EHMT1: variants seen among roughly 807,000 people sequenced by gnomAD.
The protein encoded by EHMT1 is histone-lysine N-methyltransferase EHMT1.
EHMT1 carries 15 observed loss-of-function variants against 147.2 expected under a neutral mutation model. The observed-to-expected ratio is 0.10, with a 90% CI of 0.07 to 0.16. The LOEUF (loss-of-function observed/expected upper bound fraction) is 0.16. EHMT1 is among the 10% of genes least tolerant of loss of function. EHMT1 has a pLI of 1.00. For missense variants in EHMT1, 1,587 were observed against 1,772.4 expected (o/e 0.90, Z 1.88); for synonymous variants, 795 against 709.6 (o/e 1.12, Z -1.91).
At chr9:137,668,106 G>A (rs1939888320) in intron 1 of EHMT1, among the ~76,000 whole-genome samples, 1 of 152,108 alleles carries the variant, frequency 6.6e-6, no homozygotes, top group African/African-American at 2.4e-5. Context: ...AGGACCAGTG[G>A]GGAGGCAGAC....
chr9:137,812,941 T>C, intron 19 of EHMT1, 65 bp from the exon 20 acceptor site: 1 of 1,595,324 alleles, frequency 6.3e-7, no homozygotes, highest in Non-Finnish European at 8.6e-7. Flanking sequence ...ATTTTATAAA[T>C]CTCATCTGTA....
At chr9:137,622,979 G>A (rs1311334020) in intron 1 of EHMT1, among the ~76,000 whole-genome samples, 1 of 151,502 alleles carries the variant, frequency 6.6e-6, no homozygotes, top group African/African-American at 2.4e-5. Context: ...GGGAGGCTGA[G>A]GTGGGTGGAT....
At chr9:137,621,947 T>C (rs1486550459) in intron 1 of EHMT1, among the ~76,000 whole-genome samples, 2 of 151,906 alleles carry the variant, frequency 1.3e-5, no homozygotes, top group African/African-American at 4.8e-5. Context: ...TCTTTCTTTT[T>C]TTTTTCTTTT....
chr9:137,822,654 G>A (rs1471515398), intron 25 of EHMT1, among the ~76,000 whole-genome samples: 15 of 152,136 alleles, frequency 9.9e-5, no homozygotes, highest in Admixed American at 9.8e-4. Flanking sequence ...CAGCACTTTG[G>A]AAGGCCGAGG....
chr9:137,711,039 G>GGT lies in EHMT1; in HGVS notation c.85+13_85+14dup, dbSNP rs781362713. On this transcript the variant is annotated intron_variant, in intron 2 of 26. Coordinates refer to ENST00000460843, the MANE Select transcript of EHMT1 (RefSeq NM_024757.5). ...CGAGCTGCTGGGAGAAGGTGAGGGC[G>GGT]GTGTGCACCGAGGGACAGGAGCAGC... 3.2e-6 allele frequency: 5 copies of GGT among 1,585,322 alleles called. No homozygotes were observed. The East Asian group carries it at 1.1e-4, about 36-fold the overall frequency.
Position 137,812,992 on chromosome 9 carries a change from A to G in EHMT1, c.2868-14A>G. ...AGCTTTAAATGTTTTGTGGCCTTACATTTTCCCTTTTAGCCTCTTTCTTTC... is the reference window on the plus strand; with the variant it reads ...AGCTTTAAATGTTTTGTGGCCTTACGTTTTCCCTTTTAGCCTCTTTCTTTC... On this transcript the variant is annotated splice_polypyrimidine_tract_variant and intron_variant, in intron 19 of 26. Transcript: ENST00000460843. 3 of 1,613,832 alleles carry G rather than the reference A, an allele frequency of 1.9e-6. No individual in the cohort carries two copies. The highest frequency in any genetic ancestry group is 1.1e-5 in the South Asian group (1 of 91,054).
chr9:137,722,355 C>T (rs541964082), intron 3 of EHMT1, among the ~76,000 whole-genome samples: 8 of 152,318 alleles, frequency 5.3e-5, no homozygotes, highest in Admixed American at 3.3e-4. Flanking sequence ...GATTACAGCA[C>T]ATCATTTGGT....
chr9:137,752,222 G>T, intron 6 of EHMT1, 109 bp from the exon 7 acceptor site: 1 of 1,316,622 alleles, frequency 7.6e-7, no homozygotes, highest in Non-Finnish European at 1.1e-6. Flanking sequence ...CGGCGTGTGC[G>T]GCCAGTGCCC....
intron 17 of EHMT1, 154 bp from the exon 18 acceptor site, chr9:137,800,724 CTG>C: frequency 1.5e-6 from 1 of 659,452 alleles, no homozygotes; most frequent in East Asian, 2.7e-5. Flanking sequence ...TGAGGAAGAA[CTG>C]TGGCCTCTGA....
chr9:137,715,489 AG>A, intron 2 of EHMT1: 6 of 951,078 alleles, frequency 6.3e-6, no homozygotes, highest in Non-Finnish European at 7.5e-6. Flanking sequence ...ACAGATGATC[AG>A]GTCTGTTGTG....
chr9:137,809,188 G>A (rs148566950), intron 18 of EHMT1, among the ~76,000 whole-genome samples: 53 of 152,318 alleles, frequency 3.5e-4, no homozygotes, highest in Middle Eastern at 6.8e-3. Flanking sequence ...CCCATGCCGG[G>A]GGCTGGCCGT....
At chr9:137,823,845 A>C (rs1955631158) in intron 25 of EHMT1, among the ~76,000 whole-genome samples, 1 of 152,210 alleles carries the variant, frequency 6.6e-6, no homozygotes. Flanking sequence ...GGCGTGAGCC[A>C]CTGTGCCTGG....
At chr9:137,700,459 C>A (rs1300102609) in intron 1 of EHMT1, among the ~76,000 whole-genome samples, 1 of 152,192 alleles carries the variant, frequency 6.6e-6, no homozygotes, top group Non-Finnish European at 1.5e-5. Flanking sequence ...GTGCCTTAGA[C>A]AATATATTAA....
At chr9:137,778,115 G>C in intron 13 of EHMT1, 60 bp downstream of exon 13, 1 of 1,604,524 alleles carries the variant, frequency 6.2e-7, no homozygotes, top group Non-Finnish European at 8.5e-7. Context: ...TGCACCCCGC[G>C]TTTTTCCCCA....
At chr9:137,802,898 G>GA in intron 18 of EHMT1, 4 of 1,232,466 alleles carry the variant, frequency 3.2e-6, no homozygotes, top group Non-Finnish European at 4.0e-6. Context: ...GCCGGCAGAA[G>GA]GAAGAGAAGA....
At chr9:137,834,256 A>C (rs1588946687) in intron 25 of EHMT1, 93 bp from the exon 26 acceptor site, 2 of 1,531,028 alleles carry the variant, frequency 1.3e-6, no homozygotes, top group Non-Finnish European at 1.8e-6. Flanking sequence ...GCCCAACTGC[A>C]GGCTCCGGGA....
intron 2 of EHMT1, chr9:137,715,666 G>A (rs749919561): frequency 6.6e-5 from 65 of 985,318 alleles, no homozygotes; most frequent in Non-Finnish European, 7.7e-5. Flanking sequence ...ATGTAAAATA[G>A]TGTCTCCTTG....
At chr9:137,824,449 T>C (rs1336515472) in intron 25 of EHMT1, among the ~76,000 whole-genome samples, 1 of 148,494 alleles carries the variant, frequency 6.7e-6, no homozygotes, top group Non-Finnish European at 1.5e-5. Context: ...GTCCTCATAC[T>C]CCTCATACTC....
chr9:137,747,035 A>T, intron 6 of EHMT1: 1 of 152,296 alleles, frequency 6.6e-6, no homozygotes, highest in East Asian at 1.9e-4. Context: ...CTGACAATCA[A>T]CAGTGATAGT....
Sources: gnomAD v4.1 joint callset for allele counts (sites outside exome capture counted in the v4.1 genomes callset) on GRCh38, gnomAD v4.1.1 for gene constraint, MANE v1.5 for transcripts, NCBI Gene and HGNC (gene_info 2026-07-23, HGNC 2026-07-21) for gene names.